DOCK5: variants seen among roughly 807,000 people sequenced by gnomAD.
The protein encoded by DOCK5 is dedicator of cytokinesis 5.
DOCK5 carries 142 observed loss-of-function variants against 251.8 expected under a neutral mutation model. The ratio of observed to expected loss-of-function variants is 0.56; its 90% confidence interval spans 0.49 to 0.65. The LOEUF (loss-of-function observed/expected upper bound fraction) is 0.65. Ranked by LOEUF, DOCK5 falls within the 30% of genes least tolerant of loss-of-function variation. DOCK5 has a pLI of 0.00. For missense variants in DOCK5, 2,111 were observed against 2,312.3 expected, an observed-to-expected ratio of 0.91 and a Z score of 1.79; for synonymous variants, 842 against 835.5, an observed-to-expected ratio of 1.01 and a Z score of -0.13.
In DOCK5 at chr8:25,184,732, GCGGGCA is replaced by G. The variant is rs984698319; in HGVS notation, c.-165_-160del. On this transcript the variant is annotated 5_prime_UTR_variant, in exon 1 of 52. Coordinates refer to ENST00000276440, the MANE Select transcript of DOCK5 (RefSeq NM_024940.8). ...GGCCCAGCAGGTGACCGCGGGCGGC[GCGGGCA>G]CGGGCACGGGCGCGGGCGGCGCGGC... 2.8e-5 allele frequency: 10 copies of G among 353,528 alleles called. No individual in the cohort carries two copies. Among genetic ancestry groups the G allele is most frequent in the Admixed American group, 5.6e-5 (1 of 17,948 alleles). 21.9% of individuals were successfully genotyped at this position (353,528 alleles called of 1,614,324 possible).
chr8:25,253,230 C>T (rs1803321382), intron 2 of DOCK5, among the ~76,000 whole-genome samples: 1 of 152,236 alleles, frequency 6.6e-6, no homozygotes, highest in Non-Finnish European at 1.5e-5. Flanking sequence ...GTTATTCTGT[C>T]ATGAGTAAGT....
intron 1 of DOCK5, among the ~76,000 whole-genome samples, chr8:25,232,121 T>A (rs1204262037): frequency 6.6e-6 from 1 of 152,240 alleles, no homozygotes; most frequent in Non-Finnish European, 1.5e-5. Flanking sequence ...TAGGACTTGT[T>A]CTGTTGCCTG....
At chr8:25,274,532 C>T (rs1803993672) in intron 3 of DOCK5, among the ~76,000 whole-genome samples, 1 of 152,202 alleles carries the variant, frequency 6.6e-6, no homozygotes. Context: ...TTTCTATCCA[C>T]CAGTTTCTCC....
chr8:25,406,933 C>A (rs558814939), intron 48 of DOCK5, among the ~76,000 whole-genome samples: 1 of 152,188 alleles, frequency 6.6e-6, no homozygotes, highest in Non-Finnish European at 1.5e-5. Context: ...GCTGTGTAAT[C>A]TTTATTACTA....
At chr8:25,378,764 T>G (rs2659586) in intron 38 of DOCK5, among the ~76,000 whole-genome samples, 148,819 of 152,330 alleles carry the variant, frequency 0.98, 72,782 homozygotes, top group Middle Eastern at 1. Flanking sequence ...TGCCCTGCAT[T>G]GAAATACAGT....
intron 27 of DOCK5, among the ~76,000 whole-genome samples, chr8:25,353,042 A>T (rs1441780095): frequency 3.9e-5 from 6 of 152,184 alleles, no homozygotes; most frequent in Non-Finnish European, 5.9e-5. Context: ...CTGTAGGGTG[A>T]TGGAGCTGAT....
intron 30 of DOCK5, 23 bp from the exon 31 acceptor site, chr8:25,366,846 AC>A (rs1336378629): frequency 6.3e-7 from 1 of 1,587,464 alleles, no homozygotes; most frequent in Non-Finnish European, 8.6e-7. Flanking sequence ...ATTTCCCTTT[AC>A]CCACACAATT....
At chr8:25,261,339 C>T (rs1463127890) in intron 2 of DOCK5, among the ~76,000 whole-genome samples, 1 of 152,126 alleles carries the variant, frequency 6.6e-6, no homozygotes, top group Non-Finnish European at 1.5e-5. Context: ...TGCAGTTGAA[C>T]TTCTGGAAAT....
At chr8:25,266,242 GTC>G (rs1483744680) in intron 2 of DOCK5, among the ~76,000 whole-genome samples, 1 of 150,006 alleles carries the variant, frequency 6.7e-6, no homozygotes, top group African/African-American at 2.5e-5. Flanking sequence ...TTGAGATGGA[GTC>G]TCGCTCTTTC....
intron 11 of DOCK5, among the ~76,000 whole-genome samples, chr8:25,308,537 A>G (rs747382665): frequency 5.9e-5 from 9 of 152,070 alleles, no homozygotes; most frequent in Non-Finnish European, 1.0e-4. Flanking sequence ...TTAGTTGCTA[A>G]CCGTTGGTCA....
intron 18 of DOCK5, among the ~76,000 whole-genome samples, chr8:25,327,926 A>G (rs1046878365): frequency 2.0e-5 from 3 of 152,044 alleles, no homozygotes; most frequent in Non-Finnish European, 4.4e-5. Flanking sequence ...GTGTGTGTTA[A>G]TTACCTTGAT....
At chr8:25,285,745 A>G (rs1057338792) in intron 5 of DOCK5, among the ~76,000 whole-genome samples, 3 of 152,214 alleles carry the variant, frequency 2.0e-5, no homozygotes, top group Non-Finnish European at 2.9e-5. Context: ...AGCTGGTCTC[A>G]TGGTTTGAAA....
chr8:25,298,817 C>T, intron 7 of DOCK5, 127 bp from the exon 8 acceptor site: 1 of 1,048,634 alleles, frequency 9.5e-7, no homozygotes, highest in Non-Finnish European at 1.3e-6. Context: ...ACTGGGATTA[C>T]AGGAATGAGC....
intron 27 of DOCK5, 76 bp downstream of exon 27, chr8:25,351,902 C>A: frequency 8.3e-7 from 1 of 1,198,414 alleles, no homozygotes; most frequent in Non-Finnish European, 1.2e-6. Flanking sequence ...GCCTTCGGGG[C>A]CAGTGGCTTG....
Position 25,317,088 on chromosome 8 carries a change from A to G in DOCK5, c.1400A>G (p.Glu467Gly), listed in dbSNP as rs773314758. ...AAGAAGAAGACGCCAAAGAATGTGG[A>G]GGTGACGATGTCTGTGCACGATGAG... ...KGKKKTPKNVEVTMSVHDEEG... is the reference protein window; with the variant it reads ...KGKKKTPKNVGVTMSVHDEEG... The change falls in exon 14 of 52, where the codon GAG (glutamate) becomes GGG (glycine). Residue 467 changes from glutamate to glycine, a missense_variant. Coordinates refer to ENST00000276440, the MANE Select transcript of DOCK5 (RefSeq NM_024940.8). The G allele has an allele frequency of 6.2e-7, 1 of 1,613,960 alleles. No homozygotes were observed.
intron 1 of DOCK5, among the ~76,000 whole-genome samples, chr8:25,242,730 C>T (rs1024915553): frequency 6.6e-6 from 1 of 152,150 alleles, no homozygotes; most frequent in Admixed American, 6.5e-5. Flanking sequence ...CATTGCCAGC[C>T]CTAAAGACTG....
intron 1 of DOCK5, among the ~76,000 whole-genome samples, chr8:25,214,725 G>C (rs1270801188): frequency 6.6e-6 from 1 of 152,074 alleles, no homozygotes; most frequent in Non-Finnish European, 1.5e-5. Flanking sequence ...GTCATCGGTT[G>C]GTCATTAATC....
intron 45 of DOCK5, among the ~76,000 whole-genome samples, chr8:25,396,763 C>CGTGT (rs5890230): frequency 2.7e-4 from 40 of 147,212 alleles, no homozygotes; most frequent in African/African-American, 9.4e-4. Flanking sequence ...CTCTTGTGTC[C>CGTGT]GTGTGTGTGT....
rs770105018 is a variant in DOCK5, at chr8:25,184,897, G to C, written c.-12G>C. 12 of 1,403,770 alleles carry C rather than the reference G, an allele frequency of 8.5e-6. No individual in the cohort carries two copies. Among genetic ancestry groups the C allele is most frequent in the Non-Finnish European group, 1.1e-5 (12 of 1,070,960 alleles). 87.0% of individuals were successfully genotyped at this position (1,403,770 alleles called of 1,614,324 possible). A position where few individuals can be genotyped will look rare whatever the true frequency, so the allele number is the denominator to read the frequency against. ...GCCTTAGTCGCCGCCGCCGCGGGGCGAGGTCGCCGCCATGGCCCGCTGGAT... is the reference window on the plus strand; with the variant it reads ...GCCTTAGTCGCCGCCGCCGCGGGGCCAGGTCGCCGCCATGGCCCGCTGGAT... On this transcript the variant is annotated 5_prime_UTR_variant, in exon 1 of 52. Coordinates refer to ENST00000276440, the MANE Select transcript of DOCK5 (RefSeq NM_024940.8).
Sources: gnomAD v4.1 joint callset for allele counts (sites outside exome capture counted in the v4.1 genomes callset) on GRCh38, gnomAD v4.1.1 for gene constraint, MANE v1.5 for transcripts, NCBI Gene and HGNC (gene_info 2026-07-23, HGNC 2026-07-21) for gene names.